Variants in PDE10A observed in about 807,000 individuals in gnomAD.
PDE10A encodes the protein cAMP and cAMP-inhibited cGMP 3',5'-cyclic phosphodiesterase 10A.
In PDE10A, 39 loss-of-function variants were observed where a neutral mutation model predicts 97.7. That is an observed-to-expected ratio of 0.40 (90% CI 0.31 to 0.52). The LOEUF is 0.52. PDE10A is among the 20% of genes least tolerant of loss of function. PDE10A has a pLI of 0.56. For missense variants in PDE10A, 731 were observed against 1,047.8 expected (o/e 0.70, Z 4.17); for synonymous variants, 371 against 376.8 (o/e 0.98, Z 0.18).
chr6:165,336,055 C>G (rs1239788293), intron 21 of PDE10A, 68 bp downstream of exon 21: 1 of 1,231,010 alleles, frequency 8.1e-7, no homozygotes, highest in African/African-American at 1.5e-5. Flanking sequence ...TAGTGGGGTA[C>G]AAAAATCCTA....
intron 1 of PDE10A, among the ~76,000 whole-genome samples, chr6:165,758,391 G>C (rs1040258848): frequency 4.6e-5 from 7 of 152,154 alleles, no homozygotes; most frequent in Non-Finnish European, 1.0e-4. Flanking sequence ...AGCCCAGGAG[G>C]CAGAAGATGC....
intron 1 of PDE10A, among the ~76,000 whole-genome samples, chr6:165,574,902 G>A (rs1009639481): frequency 6.6e-6 from 1 of 152,066 alleles, no homozygotes; most frequent in Non-Finnish European, 1.5e-5. Flanking sequence ...CCTCTATGTG[G>A]GTTAGAGGTC....
intron 1 of PDE10A, among the ~76,000 whole-genome samples, chr6:165,981,684 G>A (rs1201450615): frequency 2.0e-5 from 3 of 152,136 alleles, no homozygotes; most frequent in Admixed American, 6.5e-5. Flanking sequence ...ACTATCACAA[G>A]AACTTTAAAA....
chr6:165,662,778 G>T lies in PDE10A; in HGVS notation c.34C>A (p.Pro12Thr), dbSNP rs1790354236. The change falls in exon 1 of 22, where the codon CCC becomes ACC. Residue 12 changes from proline (P) to threonine (T), a missense_variant. By Grantham distance (38) the Pro-to-Thr change is conservative (BLOSUM62 -1). This residue lies in a region of PDE10A where 181 missense variants were observed against 159.1 expected (regional missense o/e 1.14). Coordinates refer to ENST00000539869, the MANE Select transcript of PDE10A (RefSeq NM_001385079.1). Reference protein sequence around the residue: ...ASLEEPLAPRPQGPLPAAGDE... With the variant: ...ASLEEPLAPRTQGPLPAAGDE... ...CCGGCCGCTGGCAGGGGACCCTGGG[G>T]GCGGGGAGCAAGAGGCTCCTCGAGG... Among the ~76,000 whole-genome samples, 1 of 149,498 alleles carries T rather than the reference G, an allele frequency of 6.7e-6. No homozygotes were observed.
chr6:165,332,693 C>G lies in PDE10A; in HGVS notation c.*332G>C, dbSNP rs188898981. ...TTAGAAAGATACAATGGAAAAGTAC[C>G]CCTTCTGGATAATTTTTGTCCATTT... is the stretch of plus-strand genomic sequence containing the variant. On this transcript the variant is annotated 3_prime_UTR_variant, in exon 22 of 22. Coordinates refer to ENST00000539869, the MANE Select transcript of PDE10A (RefSeq NM_001385079.1). 1 of 269,790 alleles carries G rather than the reference C, an allele frequency of 3.7e-6. No individual in the cohort carries two copies. The highest frequency in any genetic ancestry group is 2.2e-5 in the African/African-American group (1 of 45,004). The allele number at this position is 269,790 out of a possible 1,614,324, so 16.7% of individuals were successfully genotyped here.
intron 1 of PDE10A, among the ~76,000 whole-genome samples, chr6:165,795,965 G>A (rs930862353): frequency 7.2e-5 from 11 of 151,920 alleles, no homozygotes; most frequent in Admixed American, 6.6e-5. Context: ...CTATGGTTGG[G>A]TTTTTAAAAA....
chr6:165,706,381 CA>C (rs1387696243), intron 1 of PDE10A, among the ~76,000 whole-genome samples: 4 of 152,088 alleles, frequency 2.6e-5, no homozygotes, highest in Non-Finnish European at 5.9e-5. Context: ...GGGTCATGGA[CA>C]GAAACATTCG....
intron 1 of PDE10A, among the ~76,000 whole-genome samples, chr6:165,926,427 T>A (rs1394836684): frequency 6.6e-6 from 1 of 152,242 alleles, no homozygotes; most frequent in Non-Finnish European, 1.5e-5. Context: ...TTTGTGTCCA[T>A]GTCTAAATTC....
chr6:165,629,646 A>G (rs1583676848), intron 1 of PDE10A, among the ~76,000 whole-genome samples: 1 of 145,154 alleles, frequency 6.9e-6, no homozygotes, highest in Non-Finnish European at 1.5e-5. Flanking sequence ...CCATCTTCCC[A>G]CCCCAGCCTC....
intron 1 of PDE10A, among the ~76,000 whole-genome samples, chr6:165,652,593 A>G (rs1237394490): frequency 6.6e-6 from 1 of 152,154 alleles, no homozygotes; most frequent in Admixed American, 6.5e-5. Flanking sequence ...CTTGAATTCT[A>G]TATTACCATG....
intron 1 of PDE10A, among the ~76,000 whole-genome samples, chr6:165,765,102 G>C (rs1018473795): frequency 1.3e-5 from 2 of 152,210 alleles, no homozygotes; most frequent in Admixed American, 6.5e-5. Flanking sequence ...ACAGGGTGCT[G>C]ATTGGTGTGT....
intron 1 of PDE10A, among the ~76,000 whole-genome samples, chr6:165,613,506 G>C (rs1381305535): frequency 2.0e-5 from 3 of 152,020 alleles, no homozygotes; most frequent in African/African-American, 7.2e-5. Flanking sequence ...AGGCGTGGTG[G>C]TACGCACCTA....
chr6:165,587,916 C>T (rs570283130), intron 1 of PDE10A, among the ~76,000 whole-genome samples: 6 of 152,234 alleles, frequency 3.9e-5, no homozygotes, highest in Middle Eastern at 3.4e-3. Context: ...TTGGTATGGA[C>T]GGCTTAGAGA....
chr6:165,785,734 A>G (rs113996116), intron 1 of PDE10A, among the ~76,000 whole-genome samples: 2,267 of 152,326 alleles, frequency 0.015, 57 homozygotes, highest in African/African-American at 0.052. Flanking sequence ...AGAATTAAGG[A>G]TGAAGTGAGA....
intron 1 of PDE10A, among the ~76,000 whole-genome samples, chr6:165,820,039 A>G (rs1779526044): frequency 1.3e-5 from 2 of 152,234 alleles, no homozygotes; most frequent in Admixed American, 6.5e-5. Context: ...GCTACAAATT[A>G]TATTTGCTAA....
At chr6:165,717,598 G>A (rs1342715240) in intron 1 of PDE10A, among the ~76,000 whole-genome samples, 2 of 151,780 alleles carry the variant, frequency 1.3e-5, no homozygotes, top group African/African-American at 4.8e-5. Flanking sequence ...AAAAAAAAGT[G>A]TATAAATGTC....
At chr6:165,608,108 G>GTATATATATGTGTATATA (rs1562625204) in intron 1 of PDE10A, among the ~76,000 whole-genome samples, 4 of 144,660 alleles carry the variant, frequency 2.8e-5, no homozygotes, top group African/African-American at 1.1e-4. Context: ...ATATATACAT[G>GTATATATATGTGTATATA]TATATATATA....
intron 1 of PDE10A, among the ~76,000 whole-genome samples, chr6:165,696,542 T>TG (rs199662569): frequency 0.01 from 1,562 of 152,130 alleles, 28 homozygotes; most frequent in African/African-American, 0.036. Flanking sequence ...AGGGATCCAC[T>TG]GGGGGGGTCT....
At chr6:165,572,188 G>A (rs1785079645) in intron 1 of PDE10A, among the ~76,000 whole-genome samples, 1 of 152,106 alleles carries the variant, frequency 6.6e-6, no homozygotes, top group African/African-American at 2.4e-5. Context: ...GAAGAAATGT[G>A]GAATTATTAT....
Sources: gnomAD v4.1 joint callset for allele counts (sites outside exome capture counted in the v4.1 genomes callset) on GRCh38, gnomAD v4.1.1 for gene constraint, gnomAD v4.1.1 regional missense constraint, MANE v1.5 for transcripts, NCBI Gene and HGNC (gene_info 2026-07-23, HGNC 2026-07-21) for gene names.